The following PDE4D variants were observed in gnomAD, a reference collection of about 807,000 sequenced individuals.
PDE4D encodes 3',5'-cyclic-AMP phosphodiesterase 4D.
In PDE4D, 24 loss-of-function variants were observed where a neutral mutation model predicts 87.4. That is an observed-to-expected ratio of 0.27 (90% CI 0.20 to 0.39). The LOEUF (loss-of-function observed/expected upper bound fraction) is 0.39. Ranked by LOEUF, PDE4D falls within the 10% of genes least tolerant of loss-of-function variation. The probability of loss-of-function intolerance (pLI) is 1.00; values close to 1 mark genes in which losing one functional copy is unlikely to be tolerated. For synonymous variants in PDE4D, 384 were observed against 383.2 expected, an observed-to-expected ratio of 1.00 and a Z score of -0.02; for missense variants, 714 against 1,041.0, an observed-to-expected ratio of 0.69 and a Z score of 4.32.
intron 1 of PDE4D, among the ~76,000 whole-genome samples, chr5:59,271,930 TA>T: frequency 6.6e-6 from 1 of 151,922 alleles, no homozygotes; most frequent in South Asian, 2.1e-4. Flanking sequence ...TTTTTACTCC[TA>T]AAAAATAACC....
chr5:59,244,684 GTGT>G (rs2153525199), intron 1 of PDE4D, among the ~76,000 whole-genome samples: 1 of 87,512 alleles, frequency 1.1e-5, no homozygotes, highest in South Asian at 3.6e-4. Context: ...GTGTGTCTGT[GTGT>G]GTGTGTGTGT....
At chr5:60,516,897 C>A (rs1750824003) in intron 1 of PDE4D, among the ~76,000 whole-genome samples, 1 of 152,186 alleles carries the variant, frequency 6.6e-6, no homozygotes, top group Non-Finnish European at 1.5e-5. Flanking sequence ...TGGGAACAGG[C>A]AGAAGCCCCA....
chr5:59,737,818 A>G (rs1013076390), intron 1 of PDE4D, among the ~76,000 whole-genome samples: 1 of 152,188 alleles, frequency 6.6e-6, no homozygotes, highest in African/African-American at 2.4e-5. Flanking sequence ...ATATGAATCC[A>G]TATAGTTATG....
chr5:58,993,295 G>T, intron 7 of PDE4D, 77 bp downstream of exon 7: 1 of 737,170 alleles, frequency 1.4e-6, no homozygotes, highest in Non-Finnish European at 2.2e-6. Flanking sequence ...AAAATGAGTT[G>T]GCACCCCAAT....
chr5:59,518,209 GT>G (rs1811522856), intron 1 of PDE4D, among the ~76,000 whole-genome samples: 1 of 151,728 alleles, frequency 6.6e-6, no homozygotes, highest in Non-Finnish European at 1.5e-5. Context: ...GTGTGTGTGT[GT>G]GTGTGTGTGT....
intron 1 of PDE4D, among the ~76,000 whole-genome samples, chr5:59,722,185 T>C (rs1755929081): frequency 6.6e-6 from 1 of 152,214 alleles, no homozygotes; most frequent in African/African-American, 2.4e-5. Context: ...TGAAATGAAA[T>C]GCTAATAAGG....
intron 1 of PDE4D, among the ~76,000 whole-genome samples, chr5:60,440,338 TA>T (rs1196669585): frequency 5.9e-5 from 9 of 152,038 alleles, no homozygotes; most frequent in Non-Finnish European, 1.2e-4. Context: ...TACTTTAGAA[TA>T]CAAAAAAAAT....
At chr5:60,107,849 G>T (rs1025283049) in intron 2 of PDE4D, among the ~76,000 whole-genome samples, 1 of 152,144 alleles carries the variant, frequency 6.6e-6, no homozygotes. Flanking sequence ...GGTATTGATG[G>T]GACGTATCTC....
chr5:59,125,706 A>G (rs1775286891), intron 5 of PDE4D, among the ~76,000 whole-genome samples: 2 of 152,188 alleles, frequency 1.3e-5, no homozygotes, highest in African/African-American at 4.8e-5. Flanking sequence ...AATTCGAATC[A>G]TAGACAGGGA....
At chr5:58,993,855 A>G (rs1748514297) in intron 6 of PDE4D, among the ~76,000 whole-genome samples, 1 of 152,224 alleles carries the variant, frequency 6.6e-6, no homozygotes, top group Non-Finnish European at 1.5e-5. Flanking sequence ...AGAAAAGGGA[A>G]TTAAAAATTA....
chr5:58,997,943 T>C (rs1561268134), intron 6 of PDE4D, among the ~76,000 whole-genome samples: 1 of 152,158 alleles, frequency 6.6e-6, no homozygotes, highest in Non-Finnish European at 1.5e-5. Context: ...GGGTATATTA[T>C]ATATCCTCCC....
intron 1 of PDE4D, among the ~76,000 whole-genome samples, chr5:60,467,632 T>C (rs921775443): frequency 1.6e-4 from 25 of 152,138 alleles, no homozygotes; most frequent in Admixed American, 6.6e-4. Context: ...TTTTCTCTAT[T>C]AGTCCGTTTT....
At chr5:60,448,481 A>T (rs1745827472) in intron 1 of PDE4D, among the ~76,000 whole-genome samples, 1 of 152,168 alleles carries the variant, frequency 6.6e-6, no homozygotes, top group Admixed American at 6.5e-5. Context: ...CTCAATAATC[A>T]CACCAGCAGG....
intron 1 of PDE4D, among the ~76,000 whole-genome samples, chr5:60,411,674 A>G (rs1742058055): frequency 6.6e-6 from 1 of 152,238 alleles, no homozygotes; most frequent in Non-Finnish European, 1.5e-5. Flanking sequence ...AAGTAAAATG[A>G]CAATTTAAAA....
chr5:60,448,345 G>A (rs1336769985), intron 1 of PDE4D, among the ~76,000 whole-genome samples: 1 of 152,060 alleles, frequency 6.6e-6, no homozygotes, highest in African/African-American at 2.4e-5. Flanking sequence ...GACCTGACAG[G>A]ATTTCTTGGA....
chr5:60,322,610 C>T (rs866857455), intron 1 of PDE4D, among the ~76,000 whole-genome samples: 31 of 152,066 alleles, frequency 2.0e-4, no homozygotes, highest in African/African-American at 6.0e-4. Flanking sequence ...CTGCTTATTC[C>T]CCTTCTCATG....
intron 3 of PDE4D, among the ~76,000 whole-genome samples, chr5:59,912,945 G>T (rs995963078): frequency 6.6e-6 from 1 of 152,200 alleles, no homozygotes; most frequent in Non-Finnish European, 1.5e-5. Context: ...GGGTGCCAGA[G>T]AAGACCTCCC....
chr5:59,359,938 C>G (rs1781946760), intron 1 of PDE4D, among the ~76,000 whole-genome samples: 1 of 152,096 alleles, frequency 6.6e-6, no homozygotes, highest in Non-Finnish European at 1.5e-5. Context: ...CCATGTAAGT[C>G]CTAACCCCAC....
intron 1 of PDE4D, among the ~76,000 whole-genome samples, chr5:59,457,938 CAAAAT>C (rs2153644731): frequency 6.6e-6 from 1 of 152,014 alleles, no homozygotes; most frequent in Non-Finnish European, 1.5e-5. Flanking sequence ...AACAGAAAGA[CAAAAT>C]AAGACAAGAA....
Sources: allele counts gnomAD v4.1 joint callset (sites outside exome capture counted in the v4.1 genomes callset), GRCh38; gene constraint gnomAD v4.1.1; transcripts MANE v1.5; gene names NCBI Gene and HGNC (gene_info 2026-07-23, HGNC 2026-07-21).